The following CERKL variants were observed in gnomAD, a reference collection of about 807,000 sequenced individuals.
CERKL encodes the protein CERK like autophagy regulator.
Under a neutral mutation model 63.4 loss-of-function variants are expected in CERKL, and 61 were observed. The ratio of observed to expected loss-of-function variants is 0.96; its 90% confidence interval spans 0.78 to 1.19. The LOEUF (loss-of-function observed/expected upper bound fraction) is 1.19. CERKL is among the 50% of genes most tolerant of loss of function. The pLI is 0.00. For missense variants in CERKL, 675 were observed against 655.5 expected, an observed-to-expected ratio of 1.03 and a Z score of -0.33; for synonymous variants, 250 against 230.5, an observed-to-expected ratio of 1.08 and a Z score of -0.77.
intron 1 of CERKL, among the ~76,000 whole-genome samples, chr2:181,642,838 A>C (rs1687504311): frequency 6.6e-6 from 1 of 152,224 alleles, no homozygotes; most frequent in Non-Finnish European, 1.5e-5. Flanking sequence ...ACGAATGAAG[A>C]ATGGATGAGC....
chr2:181,539,823 C>T (rs1183488149), intron 11 of CERKL, among the ~76,000 whole-genome samples: 2 of 152,176 alleles, frequency 1.3e-5, no homozygotes, highest in South Asian at 2.1e-4. Flanking sequence ...TGTTTACTTA[C>T]CACTATAGAA....
chr2:181,604,632 G>A (rs1685601350), intron 1 of CERKL, among the ~76,000 whole-genome samples: 1 of 152,138 alleles, frequency 6.6e-6, no homozygotes, highest in African/African-American at 2.4e-5. Flanking sequence ...CACATAAGGA[G>A]CTCTTTGGTA....
In CERKL at chr2:181,604,072, A is replaced by C. The variant is rs747475961; in HGVS notation, c.246T>G (p.Ser82=). 6.3e-7 allele frequency: 1 copy of C among 1,597,310 alleles called. No homozygotes were observed. The highest frequency in any genetic ancestry group is 8.6e-7 in the Non-Finnish European group (1 of 1,166,330). ...PIQPERPAGD[S]KYDLLCKEEF... is the part of the protein sequence containing the mutation. ...CTTCTTTACATAGCAAGTCATACTT[A>C]GAATCACCTGAAAAAAAAATAAATT... The change falls in exon 2 of 13, where the codon TCT becomes TCG. Residue 82 remains serine (S), a synonymous_variant. Coordinates refer to ENST00000410087, the MANE Select transcript of CERKL (RefSeq NM_201548.5).
At chr2:181,565,245 C>T (rs1159087890) in intron 4 of CERKL, among the ~76,000 whole-genome samples, 1 of 152,146 alleles carries the variant, frequency 6.6e-6, no homozygotes, top group African/African-American at 2.4e-5. Context: ...TCTTTGCCCC[C>T]TGCCCATCAC....
chr2:181,547,069 C>T (rs1169912197), intron 10 of CERKL, among the ~76,000 whole-genome samples: 1 of 152,150 alleles, frequency 6.6e-6, no homozygotes, highest in East Asian at 1.9e-4. Flanking sequence ...GCTCTCTTGT[C>T]TGCCGCCATG....
chr2:181,603,990 T>C lies in CERKL; in HGVS notation c.328A>G (p.Lys110Glu). 1.2e-6 allele frequency: 2 copies of C among 1,613,376 alleles called. No homozygotes were observed. The highest frequency in any genetic ancestry group is 1.7e-6 in the Non-Finnish European group (2 of 1,179,630). The part of the protein sequence containing the change: ...SVKLKRRCSV[K>E]QQRSGTLLGI... ...AATAAAGTACCACTTCTCTGCTGTT[T>C]AACAGAACAACGCCGTTTCAGTTTC... The change falls in exon 2 of 13, where the codon AAA becomes GAA. Residue 110 changes from lysine to glutamate, a missense_variant. Coordinates refer to ENST00000410087, the MANE Select transcript of CERKL (RefSeq NM_201548.5).
Position 181,537,205 on chromosome 2 carries a change from G to A in CERKL, c.*979C>T, listed in dbSNP as rs200370399. ...GATCATAGATGAAAAATCAAGCCCCGATTTAGAACTGTCTTCTCCAGGATG... is the reference window on the plus strand; with the variant it reads ...GATCATAGATGAAAAATCAAGCCCCAATTTAGAACTGTCTTCTCCAGGATG... On this transcript the variant is annotated 3_prime_UTR_variant, in exon 13 of 13. Transcript: ENST00000410087. 135 of 452,928 alleles carry A rather than the reference G, an allele frequency of 3.0e-4. 1 individual carries two copies. Among genetic ancestry groups the A allele is most frequent in the Middle Eastern group, 2.7e-3 (4 of 1,466 alleles). 28.1% of individuals were successfully genotyped at this position (452,928 alleles called of 1,614,324 possible).
intron 2 of CERKL, among the ~76,000 whole-genome samples, chr2:181,592,011 G>A (rs1036118999): frequency 6.6e-6 from 1 of 152,130 alleles, no homozygotes; most frequent in Admixed American, 6.5e-5. Context: ...GAAACAGGTT[G>A]AAAAGCCACA....
chr2:181,558,572 G>A lies in CERKL; in HGVS notation c.814C>T (p.Pro272Ser). The change falls in exon 5 of 13, where the codon CCA (proline) becomes TCA (serine). Residue 272 changes from proline to serine, a missense_variant. Coordinates refer to ENST00000410087, the MANE Select transcript of CERKL (RefSeq NM_201548.5). This position sits in a 1 kb window ranked among gnomAD's most constrained non-coding sequence, Gnocchi z 4.2. ...TCTGTAGCCACTCCCTTGCCTGCTG[G>A]TATTAAGCCAAGTGGAAGCTGTGCT... ...VRAQLPLGLI[P>S]AGSTNVLAHS... 1.9e-6 allele frequency: 3 copies of A among 1,613,506 alleles called. No individual in the cohort carries two copies.
rs543885998 is a variant in CERKL, at chr2:181,561,879, T to A, written c.678-3171A>T. Among the ~76,000 whole-genome samples the A allele has an allele frequency of 2.6e-5, 4 of 152,254 alleles. No individual in the cohort carries two copies. The South Asian group carries it at 8.3e-4, about 32-fold the overall frequency. On this transcript the variant is annotated intron_variant, in intron 4 of 12. Coordinates refer to ENST00000410087, the MANE Select transcript of CERKL (RefSeq NM_201548.5). ...CCCAGGCTGGAGAACAATGGTGTGATCTCAGCTCACTGCAACCTCTCCCTC... is the reference window on the plus strand; with the variant it reads ...CCCAGGCTGGAGAACAATGGTGTGAACTCAGCTCACTGCAACCTCTCCCTC...
chr2:181,605,094 A>G (rs1481852914), intron 1 of CERKL, among the ~76,000 whole-genome samples: 1 of 152,232 alleles, frequency 6.6e-6, no homozygotes, highest in Admixed American at 6.5e-5. Flanking sequence ...TAGTTTTCAG[A>G]CATTGGACAT....
chr2:181,583,210 TTAAA>T lies in CERKL; in HGVS notation c.482-9330_482-9327del, dbSNP rs760720862. Among the ~76,000 whole-genome samples the T allele has an allele frequency of 7.2e-5, 11 of 151,886 alleles. No individual in the cohort carries two copies. In the East Asian group the frequency reaches 7.7e-4, roughly 11 times the overall value. Reference sequence around the variant, plus strand: ...AAAGTCTCCATGTTGCCATCCCTAATTAAATAATTAGTTCAGGCAAGGATGATCA... The same window carrying T: ...AAAGTCTCCATGTTGCCATCCCTAATTAATTAGTTCAGGCAAGGATGATCA... On this transcript the variant is annotated intron_variant, in intron 2 of 12. Coordinates refer to ENST00000410087, the MANE Select transcript of CERKL (RefSeq NM_201548.5).
At chr2:181,540,784 G>A (rs1225552032) in intron 11 of CERKL, among the ~76,000 whole-genome samples, 1 of 152,176 alleles carries the variant, frequency 6.6e-6, no homozygotes, top group Non-Finnish European at 1.5e-5. Flanking sequence ...TTGGGGCACG[G>A]GGAGGAGAAG....
intron 1 of CERKL, among the ~76,000 whole-genome samples, chr2:181,629,782 A>G (rs1686871508): frequency 6.6e-6 from 1 of 152,090 alleles, no homozygotes. Context: ...TATTTGTGCT[A>G]TATTTAGACT....
intron 2 of CERKL, among the ~76,000 whole-genome samples, chr2:181,580,298 TCAA>T (rs1684448877): frequency 6.6e-6 from 1 of 151,516 alleles, no homozygotes; most frequent in South Asian, 2.1e-4. Flanking sequence ...GTTGCTGCTG[TCAA>T]CGTGTTTTTC....
Position 181,547,701 on chromosome 2 carries a change from G to C in CERKL, c.1185C>G (p.Ile395Met). 3.7e-6 allele frequency: 6 copies of C among 1,614,008 alleles called. No homozygotes were observed. The highest frequency in any genetic ancestry group is 5.1e-6 in the Non-Finnish European group (6 of 1,179,962). The change falls in exon 10 of 13, where the codon ATC becomes ATG. Residue 395 changes from isoleucine (I) to methionine (M), a missense_variant. By Grantham distance (10) the Ile-to-Met change is conservative. Coordinates refer to ENST00000410087, the MANE Select transcript of CERKL (RefSeq NM_201548.5). ...KSDCNDQWQM[I>M]QGQFLNVSIM... ...TGCTGACATTCAAGAACTGACCCTG[G>C]ATCATTTGCCATTGATCATTACAGT...
At chr2:181,547,801 A>C in intron 9 of CERKL, 21 bp downstream of exon 9, 2 of 1,614,008 alleles carry the variant, frequency 1.2e-6, no homozygotes, top group Non-Finnish European at 1.7e-6. Context: ...ACAGTTCTCA[A>C]GGAGATACTT....
intron 1 of CERKL, among the ~76,000 whole-genome samples, chr2:181,621,649 G>A (rs1686456697): frequency 6.6e-6 from 1 of 152,116 alleles, no homozygotes; most frequent in Non-Finnish European, 1.5e-5. Context: ...ACTATGATAA[G>A]AAGCCAAAAC....
chr2:181,540,929 A>G (rs1559067996), intron 11 of CERKL, among the ~76,000 whole-genome samples: 2 of 152,180 alleles, frequency 1.3e-5, no homozygotes, highest in Admixed American at 6.5e-5. Context: ...TAAAGAACAT[A>G]TAAGATTTAG....
Sources: allele counts gnomAD v4.1 joint callset (sites outside exome capture counted in the v4.1 genomes callset), GRCh38; gene constraint gnomAD v4.1.1; non-coding constraint Gnocchi (gnomAD v3.1); transcripts MANE v1.5; gene names NCBI Gene and HGNC (gene_info 2026-07-23, HGNC 2026-07-21).